KIF14: variants seen among roughly 807,000 people sequenced by gnomAD.
The protein encoded by KIF14 is kinesin family member 14.
Under a neutral mutation model 176.2 loss-of-function variants are expected in KIF14, and 98 were observed. The ratio of observed to expected loss-of-function variants is 0.56; its 90% CI spans 0.47 to 0.66. The LOEUF is 0.66. Among genes scored for constraint, KIF14 ranks in the 30% least tolerant of loss-of-function variants. KIF14 has a pLI of 0.00. For synonymous variants in KIF14, 566 were observed against 632.2 expected (o/e 0.90, Z 1.57); for missense variants, 1,751 against 1,920.4 (o/e 0.91, Z 1.65).
chr1:200,615,367 C>G lies in KIF14; in HGVS notation c.1355G>C (p.Gly452Ala), dbSNP rs1260750450. 1 of 1,610,560 alleles carries G rather than the reference C, an allele frequency of 6.2e-7. No homozygotes were observed. Among genetic ancestry groups the G allele is most frequent in the South Asian group, 1.1e-5 (1 of 90,382 alleles). ...CLFAYGQTGS[G>A]KSYTMMGFSE... ...CAATACAACTTACGTATATGATTTT[C>G]CAGAGCCAGTCTGACCATAAGCAAA... The change falls in exon 3 of 30, where the codon GGA becomes GCA. Residue 452 changes from glycine to alanine, a missense_variant. Coordinates refer to ENST00000367350, the MANE Select transcript of KIF14 (RefSeq NM_014875.3).
At chr1:200,586,773 GTATATATATATACATACATA>G (rs1658761585) in intron 18 of KIF14, among the ~76,000 whole-genome samples, 1 of 103,712 alleles carries the variant, frequency 9.6e-6, no homozygotes, top group Non-Finnish European at 1.9e-5. Context: ...AAAATATGGT[GTATATATATATACATACATA>G]TATATATATA....
chr1:200,599,369 C>A (rs928390688), intron 13 of KIF14, among the ~76,000 whole-genome samples: 4 of 152,204 alleles, frequency 2.6e-5, no homozygotes, highest in African/African-American at 7.2e-5. Context: ...AACTTTTCTA[C>A]CTTTACTTTC....
chr1:200,610,138 T>C lies in KIF14; in HGVS notation c.1456-1210A>G, dbSNP rs139401588. Among the ~76,000 whole-genome samples, 649 of 152,244 alleles carry C rather than the reference T, an allele frequency of 4.3e-3. 4 individuals are homozygous for C. The highest frequency in any genetic ancestry group is 0.015 in the African/African-American group (626 of 41,538). On this transcript the variant is annotated intron_variant, in intron 4 of 29. Transcript: ENST00000367350. Reference sequence around the variant, plus strand: ...AGAAGTAACAGTTGTACATTATAAATGTACTGAATGCCACTGAATTATATA... The same window carrying C: ...AGAAGTAACAGTTGTACATTATAAACGTACTGAATGCCACTGAATTATATA...
At chr1:200,580,226 T>A in intron 21 of KIF14, 28 bp downstream of exon 21, 1 of 1,205,862 alleles carries the variant, frequency 8.3e-7, no homozygotes, top group Non-Finnish European at 1.1e-6. Flanking sequence ...TTTAAAAAAT[T>A]TATAGAGATT....
rs746325977 is a variant in KIF14, at chr1:200,553,533, G to C, written c.4802C>G (p.Thr1601Ser). Residue 1601 changes from threonine (T) to serine (S), a missense_variant, in exon 30 of 30, where the codon ACC becomes AGC. By Grantham distance (58) the Thr-to-Ser change is moderately conservative. Coordinates refer to ENST00000367350, the MANE Select transcript of KIF14 (RefSeq NM_014875.3). The stretch of plus-strand genomic sequence containing the variant: ...TTTAGATTGTTGGTGTTCTTCTTTG[G>C]TATTTTGATTATAAGTTTCCCAGGG... ...LKPWETYNQN[T>S]KEEHQQSKSS... The C allele has an allele frequency of 6.2e-7, 1 of 1,613,968 alleles. No homozygotes were observed. Among genetic ancestry groups the C allele is most frequent in the South Asian group, 1.1e-5 (1 of 91,080 alleles).
Position 200,620,573 on chromosome 1 carries a change from G to A in KIF14, c.-278C>T, listed in dbSNP as rs1405914965. 6.7e-6 allele frequency: 1 copy of A among 150,316 alleles called. No individual in the cohort carries two copies. Among genetic ancestry groups the A allele is most frequent in the Admixed American group, 6.6e-5 (1 of 15,192 alleles). 9.3% of individuals were successfully genotyped at this position (150,316 alleles called of 1,614,324 possible). On this transcript the variant is annotated 5_prime_UTR_variant, in exon 1 of 30. Coordinates refer to ENST00000367350, the MANE Select transcript of KIF14 (RefSeq NM_014875.3). ...TGCTGAGGAACTGAATGGGGGACTG[G>A]AGCTAAGACCACCCGCCCGCAGAGC...
intron 23 of KIF14, 110 bp downstream of exon 23, chr1:200,569,801 A>G: frequency 1.8e-6 from 1 of 547,934 alleles, no homozygotes; most frequent in Non-Finnish European, 3.2e-6. Context: ...CAGAGGAATC[A>G]GAAGCTTCCA....
At chr1:200,574,103 T>C (rs576516144) in intron 22 of KIF14, among the ~76,000 whole-genome samples, 1 of 152,260 alleles carries the variant, frequency 6.6e-6, no homozygotes, top group East Asian at 1.9e-4. Context: ...ATCTACTTCA[T>C]AGGTTTGTGG....
Position 200,554,597 on chromosome 1 carries a change from T to A in KIF14, c.4438A>T (p.Arg1480Ter). 6.7e-7 allele frequency: 1 copy of A among 1,496,400 alleles called. No homozygotes were observed. Among genetic ancestry groups the A allele is most frequent in the Non-Finnish European group, 9.2e-7 (1 of 1,085,212 alleles). 92.7% of individuals were successfully genotyped at this position (1,496,400 alleles called of 1,614,324 possible). ...AAGTTTTCTTCTTGTACTTGCCTTC[T>A]GAAACTTTTCTGTATAAATAAAGTT... ...IFAESKIKSF[R>*]RQVQEENFEY... Residue 1480 changes from arginine (R) to a stop codon, truncating the protein, a stop_gained, in exon 29 of 30, where the codon AGA becomes TGA. Transcript: ENST00000367350. LOFTEE classifies it high-confidence loss of function.
chr1:200,608,994 G>A, intron 4 of KIF14, 66 bp from the exon 5 acceptor site: 3 of 832,022 alleles, frequency 3.6e-6, no homozygotes, highest in Non-Finnish European at 3.9e-6. Flanking sequence ...CTGTGGTTAG[G>A]AACTAGTATC....
intron 25 of KIF14, among the ~76,000 whole-genome samples, chr1:200,561,407 C>T (rs1389323847): frequency 6.6e-6 from 1 of 151,354 alleles, no homozygotes; most frequent in Non-Finnish European, 1.5e-5. Context: ...GGCGTGGTGG[C>T]GGGCGCCTGT....
Position 200,603,909 on chromosome 1 carries a change from C to G in KIF14, c.1793G>C (p.Arg598Pro). ...GCCTGCCAGATCTATTAGGTTAATT[C>G]GACTTGTTATTCTGTGATCGTGTTC... ...GEEHDHRITS[R>P]INLIDLAGSE... The change falls in exon 9 of 30, where the codon CGA becomes CCA. Residue 598 changes from arginine to proline, a missense_variant. Physicochemically the swap from Arg to Pro is moderately radical, Grantham distance 103. Coordinates refer to ENST00000367350, the MANE Select transcript of KIF14 (RefSeq NM_014875.3). The G allele has an allele frequency of 1.2e-6, 2 of 1,613,696 alleles. No individual in the cohort carries two copies. The highest frequency in any genetic ancestry group is 1.7e-6 in the Non-Finnish European group (2 of 1,179,676).
At chr1:200,597,906 G>C (rs1659432160) in intron 14 of KIF14, among the ~76,000 whole-genome samples, 1 of 151,880 alleles carries the variant, frequency 6.6e-6, no homozygotes, top group African/African-American at 2.4e-5. Flanking sequence ...TTTTTAAATT[G>C]GTCAATCCAA....
intron 22 of KIF14, among the ~76,000 whole-genome samples, chr1:200,573,378 A>G (rs1043838371): frequency 6.8e-6 from 1 of 146,928 alleles, no homozygotes; most frequent in African/African-American, 2.5e-5. Flanking sequence ...TTGCTATGCT[A>G]TATTGTAGGG....
intron 22 of KIF14, among the ~76,000 whole-genome samples, chr1:200,571,017 A>G (rs1657754133): frequency 6.6e-6 from 1 of 152,188 alleles, no homozygotes; most frequent in South Asian, 2.1e-4. Context: ...ATTTAGGTAA[A>G]TAAACATTTA....
chr1:200,560,919 G>T, intron 25 of KIF14, 39 bp from the exon 26 acceptor site: 2 of 1,567,416 alleles, frequency 1.3e-6, no homozygotes, highest in East Asian at 4.5e-5. Flanking sequence ...AGATACATGA[G>T]ATTATAACAG....
At chr1:200,557,597 G>T (rs1331191267) in intron 27 of KIF14, among the ~76,000 whole-genome samples, 1 of 152,132 alleles carries the variant, frequency 6.6e-6, no homozygotes, top group African/African-American at 2.4e-5. Context: ...TTCTGAGATG[G>T]AGTTTTTCTG....
intron 8 of KIF14, 83 bp downstream of exon 8, chr1:200,605,200 G>A (rs541077490): frequency 2.7e-5 from 36 of 1,315,908 alleles, no homozygotes; most frequent in African/African-American, 1.4e-4. Flanking sequence ...GAATGAGATC[G>A]GGAACTTTTT....
chr1:200,577,871 T>G (rs1658217308), intron 21 of KIF14, among the ~76,000 whole-genome samples: 1 of 152,100 alleles, frequency 6.6e-6, no homozygotes, highest in Non-Finnish European at 1.5e-5. Flanking sequence ...TTAAACAGAA[T>G]AAGATTTATC....
Sources: gnomAD v4.1 joint callset for allele counts (sites outside exome capture counted in the v4.1 genomes callset) on GRCh38, gnomAD v4.1.1 for gene constraint, MANE v1.5 for transcripts, NCBI Gene and HGNC (gene_info 2026-07-23, HGNC 2026-07-21) for gene names.